ST6GAL1: variants seen among roughly 807,000 people sequenced by gnomAD.
ST6GAL1 encodes beta-galactoside alpha-2,6-sialyltransferase 1.
In ST6GAL1, 20 loss-of-function variants were observed where a neutral mutation model predicts 38.0. The observed-to-expected ratio is 0.53, with a 90% CI of 0.37 to 0.77. The LOEUF (loss-of-function observed/expected upper bound fraction) is 0.77, where lower values mean the gene tolerates loss of function less well. Among genes scored for constraint, ST6GAL1 ranks in the 30% least tolerant of loss-of-function variants. The probability of loss-of-function intolerance (pLI) is 0.00; values close to 1 mark genes in which losing one functional copy is unlikely to be tolerated. For synonymous variants in ST6GAL1, 196 were observed against 188.2 expected (o/e 1.04, Z -0.34); for missense variants, 432 against 496.4 (o/e 0.87, Z 1.23).
intron 2 of ST6GAL1, among the ~76,000 whole-genome samples, chr3:186,968,836 T>C (rs1009686813): frequency 6.6e-6 from 1 of 152,208 alleles, no homozygotes; most frequent in African/African-American, 2.4e-5. Context: ...CATAAGTATT[T>C]ATTTCTCATG....
rs1445785562 is a variant in ST6GAL1 at position 187,076,708 on chromosome 3, C to T, written c.*905C>T. The T allele has an allele frequency of 5.0e-6, 2 of 397,652 alleles. No individual in the cohort carries two copies. Among genetic ancestry groups the T allele is most frequent in the Non-Finnish European group, 8.9e-6 (2 of 225,964 alleles). 24.6% of individuals were successfully genotyped at this position (397,652 alleles called of 1,614,324 possible). A position where few individuals can be genotyped will look rare whatever the true frequency, so the allele number is the denominator to read the frequency against. The stretch of plus-strand genomic sequence containing the variant: ...CATGGCAAGCAGATTACATCTGAGC[C>T]GTTTGAATTGTGTTTTTCTTTCTTC... On this transcript the variant is annotated 3_prime_UTR_variant, in exon 8 of 8. Coordinates refer to ENST00000169298, the MANE Select transcript of ST6GAL1 (RefSeq NM_173216.2).
chr3:186,993,556 T>TTTTA (rs71167027), intron 2 of ST6GAL1, among the ~76,000 whole-genome samples: 8,694 of 87,886 alleles, frequency 0.099, 278 homozygotes, highest in Non-Finnish European at 0.11. Flanking sequence ...CTTGACAGAG[T>TTTTA]TTTATTTATT....
chr3:187,024,937 A>T (rs1717473442), intron 2 of ST6GAL1: 1 of 151,784 alleles, frequency 6.6e-6, no homozygotes, highest in Admixed American at 6.6e-5. Flanking sequence ...TGGCATTGTG[A>T]TCATATTGAA....
At chr3:187,042,369 G>C (rs1304028775) in intron 3 of ST6GAL1, among the ~76,000 whole-genome samples, 1 of 152,096 alleles carries the variant, frequency 6.6e-6, no homozygotes, top group African/African-American at 2.4e-5. Flanking sequence ...ATTCAGCATA[G>C]AAAAAGTAAT....
intron 2 of ST6GAL1, among the ~76,000 whole-genome samples, chr3:186,970,975 C>T (rs1263536719): frequency 6.6e-6 from 1 of 152,208 alleles, no homozygotes; most frequent in Non-Finnish European, 1.5e-5. Flanking sequence ...TTTGAAGAAA[C>T]GGCCAAACCA....
At chr3:186,998,726 C>T (rs561041140) in intron 2 of ST6GAL1, among the ~76,000 whole-genome samples, 7 of 152,272 alleles carry the variant, frequency 4.6e-5, no homozygotes, top group Non-Finnish European at 7.4e-5. Flanking sequence ...TATAAAATTA[C>T]GAATCATACT....
chr3:186,959,002 A>G (rs1202871402), intron 1 of ST6GAL1, among the ~76,000 whole-genome samples: 2 of 150,892 alleles, frequency 1.3e-5, no homozygotes, highest in Non-Finnish European at 3.0e-5. Context: ...ATAAAATAAA[A>G]TAAGTTAAAA....
chr3:186,957,967 G>T (rs895803310), intron 1 of ST6GAL1, among the ~76,000 whole-genome samples: 1 of 151,818 alleles, frequency 6.6e-6, no homozygotes, highest in East Asian at 1.9e-4. Flanking sequence ...AAGAATAAAT[G>T]GGATCTTCCT....
Position 187,075,336 on chromosome 3 carries a change from G to T in ST6GAL1, c.980-226G>T, listed in dbSNP as rs1719523566. 6.6e-6 allele frequency among the ~76,000 whole-genome samples: 1 copy of T among 152,214 alleles called. No individual in the cohort carries two copies. On this transcript the variant is annotated intron_variant, in intron 7 of 7. Transcript: ENST00000169298. The surrounding 1 kb of genome is among the most constrained non-coding windows in gnomAD (Gnocchi z 4.1). ...CTATTATTCACCAGGCCCTGGCCTA[G>T]GTGCTGGGGATTCAAAGGTGTATAA...
chr3:186,993,723 T>G (rs1716263717), intron 2 of ST6GAL1, among the ~76,000 whole-genome samples: 1 of 152,108 alleles, frequency 6.6e-6, no homozygotes, highest in Non-Finnish European at 1.5e-5. Context: ...TAGATTTGAA[T>G]TTTGGTTTTG....
chr3:186,996,985 G>A (rs1394238168), intron 2 of ST6GAL1, among the ~76,000 whole-genome samples: 2 of 151,996 alleles, frequency 1.3e-5, no homozygotes, highest in Non-Finnish European at 2.9e-5. Flanking sequence ...CTTGGTCTGT[G>A]TGGTGGTTTG....
intron 5 of ST6GAL1, among the ~76,000 whole-genome samples, chr3:187,062,980 T>C (rs1423695876): frequency 6.6e-6 from 1 of 152,234 alleles, no homozygotes; most frequent in Non-Finnish European, 1.5e-5. Flanking sequence ...AATTGTTGTT[T>C]AATGAATACT....
chr3:187,064,634 T>C, intron 5 of ST6GAL1: 1 of 456,464 alleles, frequency 2.2e-6, no homozygotes, highest in South Asian at 1.5e-5. Context: ...AGCTCTCTTT[T>C]CTCACCTCCT....
At chr3:187,041,325 G>A (rs1006249429) in intron 3 of ST6GAL1, among the ~76,000 whole-genome samples, 10 of 152,240 alleles carry the variant, frequency 6.6e-5, no homozygotes, top group South Asian at 4.1e-4. Context: ...CCTTAGGAGC[G>A]GGATCCATGG....
chr3:186,942,362 C>G (rs747971060), intron 1 of ST6GAL1: 1 of 152,180 alleles, frequency 6.6e-6, no homozygotes, highest in Non-Finnish European at 1.5e-5. Context: ...AAATACCTTA[C>G]GTACACTTTA....
At chr3:187,002,740 A>C (rs1026760910) in intron 2 of ST6GAL1, among the ~76,000 whole-genome samples, 2 of 152,222 alleles carry the variant, frequency 1.3e-5, no homozygotes, top group African/African-American at 4.8e-5. Context: ...ATGTCCCTTG[A>C]TTCAGATGAT....
At chr3:186,977,763 C>T (rs1257720328) in intron 2 of ST6GAL1, among the ~76,000 whole-genome samples, 2 of 152,056 alleles carry the variant, frequency 1.3e-5, no homozygotes, top group African/African-American at 4.8e-5. Flanking sequence ...ATAAAAGACA[C>T]ATAAAATAAA....
intron 2 of ST6GAL1, among the ~76,000 whole-genome samples, chr3:186,982,870 C>T (rs1480097146): frequency 2.5e-5 from 3 of 118,690 alleles, no homozygotes; most frequent in Non-Finnish European, 5.2e-5. Context: ...TTAGTAGAGA[C>T]GGGGTTTCAC....
intron 2 of ST6GAL1, among the ~76,000 whole-genome samples, chr3:186,987,198 GGGAA>G (rs1369724820): frequency 7.1e-5 from 9 of 126,936 alleles, no homozygotes; most frequent in East Asian, 2.2e-4. Flanking sequence ...GAGGGAGGGA[GGGAA>G]GGAAAGAAAA....
Sources: allele counts gnomAD v4.1 joint callset (sites outside exome capture counted in the v4.1 genomes callset), GRCh38; gene constraint gnomAD v4.1.1; non-coding constraint Gnocchi (gnomAD v3.1); transcripts MANE v1.5; gene names NCBI Gene and HGNC (gene_info 2026-07-23, HGNC 2026-07-21).